CFAP47: variants seen among roughly 807,000 people sequenced by gnomAD.
CFAP47 encodes cilia and flagella associated protein 47, also known as cilia- and flagella-associated protein 47.
In CFAP47, 29 loss-of-function variants were observed where a neutral mutation model predicts 148.1. That is an observed-to-expected ratio of 0.20 (90% confidence interval 0.15 to 0.27). The LOEUF is 0.27. Ranked by LOEUF, CFAP47 falls within the 10% of genes least tolerant of loss-of-function variation. CFAP47 has a pLI of 1.00. For synonymous variants in CFAP47, 664 were observed against 577.3 expected, an observed-to-expected ratio of 1.15 and a Z score of -2.15; for missense variants, 1,872 against 1,697.5, an observed-to-expected ratio of 1.10 and a Z score of -1.81.
At chrX:36,049,488 TCACACACACACACACACA>T (rs397895931) in intron 26 of CFAP47, among the ~76,000 whole-genome samples, 3 of 92,281 alleles carry the variant, frequency 3.3e-5, no homozygotes, top group Admixed American at 1.3e-4. Context: ...TTTCTCTCTC[TCACACACACACACACACA>T]CACACACACA....
At chrX:36,237,057 G>A (rs978549334) in intron 48 of CFAP47, among the ~76,000 whole-genome samples, 198 bp downstream of exon 48, 1 of 111,722 alleles carries the variant, frequency 9.0e-6, no homozygotes, top group Non-Finnish European at 1.9e-5. Flanking sequence ...GTTGAATTAG[G>A]ATGAAATAAG....
rs782271337 is a variant in CFAP47, at chrX:36,194,831, G to A, written c.6321+4635G>A. ...CCTACCAGACCCCACCTCCAACTTC[G>A]GGAAATACAATTCAAGATGATATTT... On this transcript the variant is annotated intron_variant, in intron 42 of 63. Transcript: ENST00000378653. Among the ~76,000 whole-genome samples the A allele has an allele frequency of 6.1e-4, 68 of 111,658 alleles. 1 individual carries two copies. The highest frequency in any genetic ancestry group is 2.1e-3 in the African/African-American group (64 of 30,746).
At chrX:36,030,112 G>T (rs1341813750) in intron 22 of CFAP47, among the ~76,000 whole-genome samples, 1 of 109,934 alleles carries the variant, frequency 9.1e-6, no homozygotes, top group Admixed American at 9.8e-5. Context: ...CTCTCAAAAG[G>T]CTGGCTTTAT....
intron 33 of CFAP47, among the ~76,000 whole-genome samples, chrX:36,134,754 T>A (rs769328690): frequency 9.0e-6 from 1 of 110,944 alleles, no homozygotes; most frequent in East Asian, 2.9e-4. Flanking sequence ...AATTTCTGCT[T>A]TATGAAAGAC....
intron 45 of CFAP47, among the ~76,000 whole-genome samples, chrX:36,217,781 T>C (rs191544644): frequency 1.2e-3 from 137 of 112,347 alleles, no homozygotes; most frequent in Non-Finnish European, 2.2e-3. Flanking sequence ...TTCAACATAA[T>C]TGTAATATCC....
chrX:36,005,018 T>A (rs542030174), intron 21 of CFAP47, among the ~76,000 whole-genome samples: 11 of 111,224 alleles, frequency 9.9e-5, no homozygotes, highest in African/African-American at 2.3e-4. Context: ...GTTTTTTTTT[T>A]ATTTCTGTAA....
At chrX:36,040,134 A>G (rs1937385445) in intron 25 of CFAP47, among the ~76,000 whole-genome samples, 1 of 111,927 alleles carries the variant, frequency 8.9e-6, no homozygotes, top group South Asian at 3.7e-4. Flanking sequence ...GTGAAATGAT[A>G]GGAAGAGATA....
At chrX:35,951,072 A>G in intron 4 of CFAP47, 59 bp from the exon 5 acceptor site, 1 of 851,065 alleles carries the variant, frequency 1.2e-6, no homozygotes. Flanking sequence ...GGAGAAAAAC[A>G]AAGTATATAG....
At chrX:36,042,981 A>G (rs778805899) in intron 25 of CFAP47, among the ~76,000 whole-genome samples, 2 of 111,725 alleles carry the variant, frequency 1.8e-5, no homozygotes, top group Non-Finnish European at 3.8e-5. Flanking sequence ...GCCTTAAAAA[A>G]GTTTCATAGA....
chrX:35,972,473 C>T (rs1936509274), intron 13 of CFAP47, among the ~76,000 whole-genome samples: 1 of 110,985 alleles, frequency 9.0e-6, no homozygotes, highest in Non-Finnish European at 1.9e-5. Flanking sequence ...CTCAAGTGAC[C>T]CACCAGCCTT....
chrX:36,374,756 C>T, intron 62 of CFAP47: 6 of 513,307 alleles, frequency 1.2e-5, no homozygotes, highest in Admixed American at 7.0e-5. Flanking sequence ...ATTTTTTTTT[C>T]CATGAGGCAT....
At position 36,348,199 on chromosome X, in the gene CFAP47, C is replaced by A. The variant is rs1184687979; in HGVS notation, c.8514C>A (p.His2838Gln). The change falls in exon 58 of 64, where the codon CAC becomes CAA. Residue 2838 changes from histidine (H) to glutamine (Q), a missense_variant. Transcript: ENST00000378653. The part of the protein sequence containing the change: ...LLFIPQIMKL[H>Q]KTMVIIEMTK... ...TTATACCTCAAATTATGAAATTACA[C>A]AAAACAATGGTTATTATTGAGATGA... 3 of 1,054,928 alleles carry A rather than the reference C, an allele frequency of 2.8e-6. No individual in the cohort carries two copies. Among genetic ancestry groups the A allele is most frequent in the Non-Finnish European group, 2.5e-6 (2 of 811,579 alleles). The allele number at this position is 1,054,928 out of a possible 1,213,427, so 86.9% of individuals were successfully genotyped here.
At chrX:36,208,459 G>A (rs921482233) in intron 45 of CFAP47, among the ~76,000 whole-genome samples, 3 of 109,416 alleles carry the variant, frequency 2.7e-5, no homozygotes, top group African/African-American at 6.7e-5. Context: ...GGGTATACAC[G>A]GGTTCACGGC....
chrX:35,951,017 A>G (rs1936154966), intron 4 of CFAP47, 114 bp from the exon 5 acceptor site: 2 of 512,757 alleles, frequency 3.9e-6, no homozygotes, highest in Admixed American at 3.7e-5. Context: ...ACTGAATTTT[A>G]ATGATAATGT....
At chrX:36,290,451 T>TA (rs2146950711) in intron 51 of CFAP47, among the ~76,000 whole-genome samples, 1 of 112,341 alleles carries the variant, frequency 8.9e-6, no homozygotes, top group East Asian at 2.8e-4. Flanking sequence ...ACAGCTGATT[T>TA]TAGAAGCTGA....
chrX:36,134,502 T>C (rs1939007208), intron 33 of CFAP47, among the ~76,000 whole-genome samples: 1 of 110,675 alleles, frequency 9.0e-6, no homozygotes, highest in South Asian at 3.7e-4. Context: ...GTGTTTTTGG[T>C]TACAAAAGTG....
At chrX:36,209,061 C>A (rs2146887635) in intron 45 of CFAP47, among the ~76,000 whole-genome samples, 1 of 112,271 alleles carries the variant, frequency 8.9e-6, no homozygotes, top group East Asian at 2.8e-4. Flanking sequence ...GGAATAACCA[C>A]AAATACATTT....
intron 4 of CFAP47, among the ~76,000 whole-genome samples, chrX:35,949,000 A>T (rs754182273): frequency 9.9e-5 from 11 of 110,743 alleles, no homozygotes; most frequent in Non-Finnish European, 2.1e-4. Context: ...AACCAAATGG[A>T]ATGTCTAGTT....
chrX:36,304,211 G>A (rs782163095), intron 54 of CFAP47, among the ~76,000 whole-genome samples: 12 of 109,847 alleles, frequency 1.1e-4, no homozygotes, highest in South Asian at 3.9e-4. Flanking sequence ...GCAAAACCCC[G>A]TCTCTACTAA....
Sources: gnomAD v4.1 joint callset for allele counts (sites outside exome capture counted in the v4.1 genomes callset) on GRCh38, gnomAD v4.1.1 for gene constraint, MANE v1.5 for transcripts, NCBI Gene and HGNC (gene_info 2026-07-23, HGNC 2026-07-21) for gene names.